XKR9: variants seen among roughly 807,000 people sequenced by gnomAD.
XKR9 encodes XK-related protein 9.
XKR9 carries 32 observed loss-of-function variants against 32.0 expected under a neutral mutation model. The observed-to-expected ratio is 1.00, with a 90% CI of 0.76 to 1.34. XKR9 has a LOEUF of 1.34. XKR9 is among the 40% of genes most tolerant of loss of function. The pLI, the probability that XKR9 is intolerant of heterozygous loss-of-function variation, is 0.00. For missense variants in XKR9, 546 were observed against 429.7 expected (o/e 1.27, Z -2.39); for synonymous variants, 168 against 143.4 (o/e 1.17, Z -1.22).
At chr8:71,051,437 A>G in the XKR9 span, among the ~76,000 whole-genome samples, 1 of 152,122 alleles carries the variant, frequency 6.6e-6, no homozygotes, top group Admixed American at 6.5e-5. Flanking sequence ...AAATATTGAG[A>G]TATTTTAGGA....
chr8:70,781,373 C>A (rs1310657355), intron 2 of XKR9, among the ~76,000 whole-genome samples: 1 of 151,828 alleles, frequency 6.6e-6, no homozygotes, highest in Non-Finnish European at 1.5e-5. Context: ...TGTGGGTTGT[C>A]TTTTTACTTT....
intron 2 of XKR9, among the ~76,000 whole-genome samples, chr8:70,760,209 A>G (rs1192160488): frequency 2.6e-5 from 4 of 152,150 alleles, no homozygotes; most frequent in Non-Finnish European, 5.9e-5. Flanking sequence ...GTTTACTCGT[A>G]AGTAAGAATA....
At chr8:71,049,728 G>A in the XKR9 span, among the ~76,000 whole-genome samples, 2 of 152,100 alleles carry the variant, frequency 1.3e-5, no homozygotes, top group African/African-American at 4.8e-5. Context: ...AAGAAGGGAG[G>A]AGACTCGTGT....
At chr8:70,707,937 A>T (rs755809016) in intron 4 of XKR9, among the ~76,000 whole-genome samples, 1 of 152,032 alleles carries the variant, frequency 6.6e-6, no homozygotes, top group Non-Finnish European at 1.5e-5. Context: ...AATTGCATTA[A>T]TGACTAGGGT....
the XKR9 span, among the ~76,000 whole-genome samples, chr8:71,022,148 G>A: frequency 6.6e-6 from 1 of 152,180 alleles, no homozygotes; most frequent in Non-Finnish European, 1.5e-5. Flanking sequence ...AACTGTAGGT[G>A]TGCAGCTTTA....
the XKR9 span, among the ~76,000 whole-genome samples, chr8:71,028,157 A>G: frequency 6.6e-6 from 1 of 152,224 alleles, no homozygotes; most frequent in Non-Finnish European, 1.5e-5. Flanking sequence ...CTTGGGTAGT[A>G]TGGACATTTT....
At chr8:70,928,611 CT>C in the XKR9 span, among the ~76,000 whole-genome samples, 2 of 152,026 alleles carry the variant, frequency 1.3e-5, no homozygotes, top group Non-Finnish European at 2.9e-5. Context: ...TTGCTATCAC[CT>C]TAAAGCCTGG....
chr8:70,924,960 T>G, the XKR9 span, among the ~76,000 whole-genome samples: 1 of 151,482 alleles, frequency 6.6e-6, no homozygotes, highest in Admixed American at 6.6e-5. Context: ...AGCATCAAAA[T>G]TTAATGTTAA....
At chr8:70,764,877 T>C (rs1001135721) in intron 2 of XKR9, among the ~76,000 whole-genome samples, 4 of 152,200 alleles carry the variant, frequency 2.6e-5, no homozygotes, top group African/African-American at 9.6e-5. Context: ...TTGCTGAGAA[T>C]GATAGTTTCC....
chr8:71,038,540 C>G, the XKR9 span, among the ~76,000 whole-genome samples: 1 of 151,308 alleles, frequency 6.6e-6, no homozygotes, highest in East Asian at 2.0e-4. Context: ...AGGATGGTCT[C>G]AATCTCCTGA....
chr8:70,979,861 A>C, the XKR9 span, among the ~76,000 whole-genome samples: 3 of 152,214 alleles, frequency 2.0e-5, no homozygotes, highest in Non-Finnish European at 2.9e-5. Flanking sequence ...CCCTACCCCC[A>C]AAGGTGGAGT....
the XKR9 span, among the ~76,000 whole-genome samples, chr8:70,847,229 G>T: frequency 6.6e-6 from 1 of 151,930 alleles, no homozygotes; most frequent in African/African-American, 2.4e-5. Context: ...TAAATAACAT[G>T]CCCCTGAATG....
the XKR9 span, among the ~76,000 whole-genome samples, chr8:70,834,045 A>G: frequency 6.6e-6 from 1 of 152,178 alleles, no homozygotes; most frequent in Admixed American, 6.5e-5. Context: ...ATATTACTAA[A>G]GACGGTCCAA....
chr8:70,752,845 C>T (rs1004110249), intron 2 of XKR9, among the ~76,000 whole-genome samples: 5 of 152,092 alleles, frequency 3.3e-5, no homozygotes, highest in African/African-American at 1.2e-4. Flanking sequence ...CCTAACATCA[C>T]AATTAAAAGA....
At chr8:70,848,506 C>T in the XKR9 span, among the ~76,000 whole-genome samples, 1 of 151,874 alleles carries the variant, frequency 6.6e-6, no homozygotes, top group Non-Finnish European at 1.5e-5. Flanking sequence ...TCAAACTAGC[C>T]TTGTTCACAG....
the XKR9 span, among the ~76,000 whole-genome samples, chr8:70,968,213 C>T: frequency 1.3e-5 from 2 of 152,108 alleles, no homozygotes; most frequent in African/African-American, 4.8e-5. Context: ...ATTTTTTCCT[C>T]CATTTGGTCT....
At chr8:70,844,248 T>G in the XKR9 span, among the ~76,000 whole-genome samples, 3,215 of 152,292 alleles carry the variant, frequency 0.021, 98 homozygotes, top group African/African-American at 0.074. Flanking sequence ...TGCATGCCAC[T>G]GACAGTGACC....
intron 3 of XKR9, among the ~76,000 whole-genome samples, chr8:70,690,850 G>A (rs143734844): frequency 6.6e-6 from 1 of 152,170 alleles, no homozygotes; most frequent in Non-Finnish European, 1.5e-5. Context: ...AGGTGATTCT[G>A]TGTCTTTGCT....
At chr8:70,793,972 A>G (rs1456259431), downstream of XKR9, among the ~76,000 whole-genome samples, 1 of 152,134 alleles carries the variant, frequency 6.6e-6, no homozygotes, top group African/African-American at 2.4e-5. Flanking sequence ...CTTCAAATCC[A>G]TGAACACAGG....
Sources: allele counts gnomAD v4.1 joint callset (sites outside exome capture counted in the v4.1 genomes callset), GRCh38; gene constraint gnomAD v4.1.1; transcripts MANE v1.5; gene names NCBI Gene and HGNC (gene_info 2026-07-23, HGNC 2026-07-21).